Variants in TMEM181 observed in about 807,000 individuals in gnomAD.
TMEM181 encodes the protein transmembrane protein 181.
A neutral mutation model predicts 71.9 loss-of-function variants in TMEM181; 39 were observed. That is an observed-to-expected ratio of 0.54 (90% confidence interval 0.42 to 0.71). TMEM181 has a LOEUF of 0.71. Among genes scored for constraint, TMEM181 ranks in the 30% least tolerant of loss-of-function variants. TMEM181 has a pLI of 0.00. For synonymous variants in TMEM181, 245 were observed against 228.8 expected (o/e 1.07, Z -0.64); for missense variants, 595 against 583.0 (o/e 1.02, Z -0.21).
rs1042213023 is a variant in TMEM181, at chr6:158,573,896, G to A, written c.112+373G>A. ...AGACAGGCCATGGAAGAGCTCTGAT[G>A]CAGCTGATGGGGAGGGGAGGAGAGT... is the stretch of plus-strand genomic sequence containing the variant. On this transcript the variant is annotated intron_variant, in intron 2 of 16. Coordinates refer to ENST00000684151, the MANE Select transcript of TMEM181 (RefSeq NM_001376852.1). Among the ~76,000 whole-genome samples the A allele has an allele frequency of 3.3e-5, 5 of 152,246 alleles. No homozygotes were observed. In the South Asian group the frequency reaches 8.3e-4, roughly 25 times the overall value.
At chr6:158,553,552 C>G (rs1304765890) in intron 1 of TMEM181, among the ~76,000 whole-genome samples, 1 of 152,106 alleles carries the variant, frequency 6.6e-6, no homozygotes, top group African/African-American at 2.4e-5. Flanking sequence ...AAGAGTTGTA[C>G]AAAAAATCAT....
chr6:158,612,798 C>T (rs538878232), intron 10 of TMEM181, among the ~76,000 whole-genome samples: 53 of 152,184 alleles, frequency 3.5e-4, no homozygotes, highest in Non-Finnish European at 5.9e-4. Flanking sequence ...CAAAATGCTA[C>T]GGTAATTGAG....
intron 1 of TMEM181, among the ~76,000 whole-genome samples, chr6:158,543,061 G>T (rs145696019): frequency 6.6e-6 from 1 of 151,740 alleles, no homozygotes; most frequent in Non-Finnish European, 1.5e-5. Flanking sequence ...ATTTTTAGTA[G>T]AGATGAGGTT....
upstream of TMEM181, among the ~76,000 whole-genome samples, chr6:158,558,260 T>C (rs1276373308): frequency 6.6e-6 from 1 of 152,118 alleles, no homozygotes; most frequent in Non-Finnish European, 1.5e-5. Context: ...GGGCTGGAGG[T>C]AGATACTGGC....
chr6:158,604,224 A>G (rs56874491), intron 6 of TMEM181, among the ~76,000 whole-genome samples: 43,814 of 151,996 alleles, frequency 0.29, 6,785 homozygotes, highest in East Asian at 0.61. Flanking sequence ...CCCCTCCATG[A>G]TGTGGGGCCA....
intron 6 of TMEM181, among the ~76,000 whole-genome samples, chr6:158,604,017 C>T (rs149209887): frequency 7.5e-4 from 114 of 152,372 alleles, no homozygotes; most frequent in Admixed American, 1.4e-3. Flanking sequence ...TTTTTCCTAA[C>T]GCTGAGGCAA....
intron 1 of TMEM181, among the ~76,000 whole-genome samples, chr6:158,540,281 G>A (rs753465202): frequency 1.3e-5 from 2 of 152,226 alleles, no homozygotes; most frequent in Non-Finnish European, 2.9e-5. Context: ...AGGGTAAATT[G>A]CTATAATCAT....
chr6:158,559,981 G>A (rs1421817112), upstream of TMEM181: 3 of 911,446 alleles, frequency 3.3e-6, no homozygotes, highest in East Asian at 1.2e-4. Context: ...GGGCCACGAA[G>A]GAGGGCCACC....
At chr6:158,584,927 A>G (rs991160474) in intron 4 of TMEM181, among the ~76,000 whole-genome samples, 8 of 152,234 alleles carry the variant, frequency 5.3e-5, no homozygotes, top group Non-Finnish European at 1.2e-4. Context: ...ATAATGAGAA[A>G]AACCTATAAT....
chr6:158,574,790 G>A (rs1783070891), intron 2 of TMEM181, among the ~76,000 whole-genome samples: 1 of 152,168 alleles, frequency 6.6e-6, no homozygotes, highest in South Asian at 2.1e-4. Context: ...CTGCCTGTCT[G>A]TCTATTATAA....
intron 12 of TMEM181, 53 bp downstream of exon 12, chr6:158,625,259 G>A (rs578233875): frequency 9.3e-6 from 14 of 1,500,424 alleles, no homozygotes; most frequent in African/African-American, 1.4e-5. Flanking sequence ...TGACTCAGGT[G>A]GGGGAAGAAG....
At chr6:158,606,780 T>A (rs775679948) in intron 7 of TMEM181, among the ~76,000 whole-genome samples, 1 of 152,238 alleles carries the variant, frequency 6.6e-6, no homozygotes, top group Non-Finnish European at 1.5e-5. Context: ...TGGCACCATC[T>A]TGGAAGCTGC....
intron 1 of TMEM181, among the ~76,000 whole-genome samples, chr6:158,570,972 G>T (rs9456322): frequency 0.12 from 18,471 of 151,442 alleles, 1,247 homozygotes; most frequent in Middle Eastern, 0.16. Flanking sequence ...GAGTGCAGTG[G>T]TGTGATCTCG....
intron 15 of TMEM181, among the ~76,000 whole-genome samples, chr6:158,630,862 G>A (rs1260781587): frequency 6.6e-6 from 1 of 151,568 alleles, no homozygotes; most frequent in African/African-American, 2.4e-5. Context: ...GCTAGCACTT[G>A]CCCAGCACCT....
At chr6:158,559,298 C>CTGT (rs1485753428), upstream of TMEM181, among the ~76,000 whole-genome samples, 10 of 152,344 alleles carry the variant, frequency 6.6e-5, no homozygotes, top group South Asian at 2.1e-4. Flanking sequence ...AGGGCAGGAA[C>CTGT]TGTTCCTTAT....
intron 10 of TMEM181, chr6:158,611,439 G>A (rs1453252798): frequency 3.7e-6 from 2 of 539,020 alleles, no homozygotes; most frequent in African/African-American, 1.9e-5. Context: ...AAGTCTATCC[G>A]TCTTCCTTTT....
At chr6:158,618,211 T>C (rs1168554486) in intron 10 of TMEM181, among the ~76,000 whole-genome samples, 1 of 152,258 alleles carries the variant, frequency 6.6e-6, no homozygotes, top group Non-Finnish European at 1.5e-5. Context: ...CTTGTTGCAT[T>C]GATCCCTTTA....
At chr6:158,556,596 G>A (rs6455592), upstream of TMEM181, among the ~76,000 whole-genome samples, 93,417 of 152,008 alleles carry the variant, frequency 0.61, 29,124 homozygotes, top group East Asian at 0.72. Context: ...TGCCAGTCTC[G>A]CGTTGGACAG....
At chr6:158,630,117 G>A (rs1365828224) in intron 15 of TMEM181, among the ~76,000 whole-genome samples, 1 of 152,202 alleles carries the variant, frequency 6.6e-6, no homozygotes, top group African/African-American at 2.4e-5. Flanking sequence ...CAAAAGCAAT[G>A]CACATTCAGG....
Sources: gnomAD v4.1 joint callset for allele counts (sites outside exome capture counted in the v4.1 genomes callset) on GRCh38, gnomAD v4.1.1 for gene constraint, MANE v1.5 for transcripts, NCBI Gene and HGNC (gene_info 2026-07-23, HGNC 2026-07-21) for gene names.